Variants in PRMT7 observed in about 807,000 individuals in gnomAD.
The protein encoded by PRMT7 is protein arginine N-methyltransferase 7.
PRMT7 carries 75 observed loss-of-function variants against 85.4 expected under a neutral mutation model. The observed-to-expected ratio is 0.88, with a 90% confidence interval of 0.73 to 1.06. PRMT7 has a LOEUF of 1.06. Among genes scored for constraint, PRMT7 ranks in the 50% least tolerant of loss-of-function variants. The probability of loss-of-function intolerance (pLI) is 0.00; values close to 1 mark genes in which losing one functional copy is unlikely to be tolerated. For missense variants in PRMT7, 868 were observed against 915.2 expected (o/e 0.95, Z 0.67); for synonymous variants, 397 against 359.5 (o/e 1.10, Z -1.18).
chr16:68,311,026 C>A lies in PRMT7; in HGVS notation c.-292C>A. On this transcript the variant is annotated 5_prime_UTR_variant, in exon 1 of 19. Transcript: ENST00000441236. Reference sequence around the variant, plus strand: ...CCCCCCAGCACGCTCCTCGACGCTGCGAGGTCCCGCCCCGCGTGCTGGCCG... The same window carrying A: ...CCCCCCAGCACGCTCCTCGACGCTGAGAGGTCCCGCCCCGCGTGCTGGCCG... 9.1e-7 allele frequency: 1 copy of A among 1,094,178 alleles called. No individual in the cohort carries two copies. The highest frequency in any genetic ancestry group is 1.3e-6 in the Non-Finnish European group (1 of 744,448). The allele number at this position is 1,094,178 out of a possible 1,614,324, so 67.8% of individuals were successfully genotyped here.
At chr16:68,344,690 G>A (rs914611538) in intron 9 of PRMT7, among the ~76,000 whole-genome samples, 2 of 152,084 alleles carry the variant, frequency 1.3e-5, no homozygotes, top group East Asian at 3.9e-4. Flanking sequence ...AAAATTGACC[G>A]TGGATCATTG....
chr16:68,337,418 T>C, intron 6 of PRMT7, 41 bp from the exon 7 acceptor site: 1 of 1,398,690 alleles, frequency 7.1e-7, no homozygotes, highest in Admixed American at 1.8e-5. Flanking sequence ...TTTTTCCTAG[T>C]CTGTTGCTTA....
intron 17 of PRMT7, among the ~76,000 whole-genome samples, chr16:68,356,229 A>T (rs529801175): frequency 6.6e-6 from 1 of 152,340 alleles, no homozygotes; most frequent in Non-Finnish European, 1.5e-5. Flanking sequence ...AGGGTCAGCA[A>T]GTGCTGCTTG....
At chr16:68,327,519 C>CTGGAGTGTT (rs1391728234) in intron 5 of PRMT7, among the ~76,000 whole-genome samples, 1 of 151,572 alleles carries the variant, frequency 6.6e-6, no homozygotes, top group Non-Finnish European at 1.5e-5. Context: ...ATCATTGTGG[C>CTGGAGTGTT]TGGAGTGTTG....
chr16:68,349,123 C>A lies in PRMT7; in HGVS notation c.1413+692C>A, dbSNP rs148521959. Among the ~76,000 whole-genome samples the A allele has an allele frequency of 8.8e-3, 1,334 of 152,254 alleles. 23 individuals carry two copies. Among genetic ancestry groups the A allele is most frequent in the African/African-American group, 0.031 (1,268 of 41,540 alleles). The stretch of plus-strand genomic sequence containing the variant: ...AAACTGCTTCTGCCAGCAACCTCGT[C>A]GTTACTCCCACGGTCTCCCTGCAGG... On this transcript the variant is annotated intron_variant, in intron 14 of 18. Coordinates refer to ENST00000441236, the MANE Select transcript of PRMT7 (RefSeq NM_019023.5).
intron 4 of PRMT7, 90 bp from the exon 5 acceptor site, chr16:68,324,593 C>T (rs2082884463): frequency 4.7e-6 from 7 of 1,499,958 alleles, no homozygotes; most frequent in Middle Eastern, 1.8e-4. Context: ...ACTTGCACTG[C>T]CACTGCCAGC....
chr16:68,313,073 C>T (rs2044160445), intron 2 of PRMT7, among the ~76,000 whole-genome samples: 1 of 152,212 alleles, frequency 6.6e-6, no homozygotes, highest in South Asian at 2.1e-4. Context: ...GATCCACCTG[C>T]TTTGGTCTCC....
intron 5 of PRMT7, 40 bp downstream of exon 5, chr16:68,324,872 T>C: frequency 6.2e-7 from 1 of 1,610,106 alleles, no homozygotes; most frequent in Non-Finnish European, 8.5e-7. Flanking sequence ...GCATCTTGCA[T>C]GGGAAATCCC....
chr16:68,313,379 A>G (rs75998736), intron 2 of PRMT7, among the ~76,000 whole-genome samples: 6,237 of 152,332 alleles, frequency 0.041, 152 homozygotes, highest in Middle Eastern at 0.14. Context: ...TTGATTCCAC[A>G]TGGACCACAG....
intron 7 of PRMT7, among the ~76,000 whole-genome samples, chr16:68,338,945 G>A (rs947993011): frequency 1.3e-5 from 2 of 152,162 alleles, no homozygotes; most frequent in South Asian, 2.1e-4. Flanking sequence ...AGGGGGCACC[G>A]TGGTCCACAG....
chr16:68,345,873 C>T, intron 10 of PRMT7, 71 bp downstream of exon 10: 2 of 1,593,732 alleles, frequency 1.3e-6, no homozygotes, highest in Non-Finnish European at 8.6e-7. Flanking sequence ...TTTACAGATC[C>T]TCTGGAGGTG....
At chr16:68,314,942 T>C (rs1370668453) in intron 2 of PRMT7, among the ~76,000 whole-genome samples, 2 of 152,032 alleles carry the variant, frequency 1.3e-5, no homozygotes, top group Non-Finnish European at 2.9e-5. Flanking sequence ...AAAATTTGAA[T>C]AGATAAGAAG....
intron 7 of PRMT7, 91 bp downstream of exon 7, chr16:68,337,662 C>T (rs1223618166): frequency 1.5e-5 from 11 of 714,522 alleles, no homozygotes; most frequent in Non-Finnish European, 2.2e-5. Context: ...ACAGCCCAAG[C>T]CCTCAGCACC....
rs1252339839 is a variant in PRMT7 at position 68,312,131 on chromosome 16, G to A, written c.-129G>A. 6.6e-6 allele frequency: 1 copy of A among 150,876 alleles called. No individual in the cohort carries two copies. The highest frequency in any genetic ancestry group is 2.4e-5 in the African/African-American group (1 of 41,004). The allele number at this position is 150,876 out of a possible 1,614,324, so 9.3% of individuals were successfully genotyped here. A position where few individuals can be genotyped will look rare whatever the true frequency, so the allele number is the denominator to read the frequency against. On this transcript the variant is annotated 5_prime_UTR_variant, in exon 2 of 19. Coordinates refer to ENST00000441236, the MANE Select transcript of PRMT7 (RefSeq NM_019023.5). ...CCTGGGCTCAAGCGATCCTCACCTCGGCCTACCGAGTAGCTGGGACTACAG... is the reference window on the plus strand; with the variant it reads ...CCTGGGCTCAAGCGATCCTCACCTCAGCCTACCGAGTAGCTGGGACTACAG...
At chr16:68,359,597 A>C (rs1351217808), downstream of PRMT7, 1 of 152,746 alleles carries the variant, frequency 6.5e-6, no homozygotes, top group Non-Finnish European at 1.5e-5. Flanking sequence ...GCACAGCATC[A>C]GGGCACCAGC....
At chr16:68,328,965 A>G (rs1021845020) in intron 5 of PRMT7, 101 bp from the exon 6 acceptor site, 5 of 755,698 alleles carry the variant, frequency 6.6e-6, no homozygotes, top group African/African-American at 1.8e-5. Context: ...TAAGTTACAT[A>G]TCTTAGGACC....
chr16:68,353,577 C>A lies in PRMT7; in HGVS notation c.1650+11C>A. ...GACGACATGATTAAGGTAGGCAGGG[C>A]CACACTCTGCATAGTACCCCCGACC... On this transcript the variant is annotated intron_variant, in intron 16 of 18. Coordinates refer to ENST00000441236, the MANE Select transcript of PRMT7 (RefSeq NM_019023.5). The A allele has an allele frequency of 6.4e-7, 1 of 1,567,872 alleles. No homozygotes were observed. Among genetic ancestry groups the A allele is most frequent in the Non-Finnish European group, 8.6e-7 (1 of 1,156,436 alleles).
intron 14 of PRMT7, 143 bp downstream of exon 14, chr16:68,348,574 T>A: frequency 2.3e-6 from 1 of 432,942 alleles, no homozygotes; most frequent in Non-Finnish European, 4.2e-6. Context: ...GCTCCCACCA[T>A]CAAGGGTGTG....
chr16:68,352,868 A>G (rs2087619259), intron 15 of PRMT7, among the ~76,000 whole-genome samples: 1 of 152,236 alleles, frequency 6.6e-6, no homozygotes, highest in Non-Finnish European at 1.5e-5. Context: ...TTTTATTAAA[A>G]GGATTTGAAA....
Sources: gnomAD v4.1 joint callset for allele counts (sites outside exome capture counted in the v4.1 genomes callset) on GRCh38, gnomAD v4.1.1 for gene constraint, MANE v1.5 for transcripts, NCBI Gene and HGNC (gene_info 2026-07-23, HGNC 2026-07-21) for gene names.